The following UBTD1 variants were observed in gnomAD, a reference collection of about 807,000 sequenced individuals.
The protein encoded by UBTD1 is ubiquitin domain-containing protein 1.
A neutral mutation model predicts 21.7 loss-of-function variants in UBTD1; 19 were observed. The observed-to-expected ratio is 0.87, with a 90% CI of 0.61 to 1.28. The LOEUF (loss-of-function observed/expected upper bound fraction) is 1.28. UBTD1 is among the 50% of genes most tolerant of loss of function. The pLI is 0.00. For synonymous variants in UBTD1, 116 were observed against 135.1 expected (o/e 0.86, Z 0.98); for missense variants, 282 against 315.1 (o/e 0.89, Z 0.80).
At chr10:97,536,517 G>C (rs563671079) in intron 1 of UBTD1, among the ~76,000 whole-genome samples, 15 of 152,312 alleles carry the variant, frequency 9.8e-5, no homozygotes, top group African/African-American at 3.6e-4. Context: ...CTGCAGACTT[G>C]TGTTCAGACA....
rs915896864 is a variant in UBTD1 at position 97,499,091 on chromosome 10, CGGG to C, written c.-111_-109del. 24 of 1,246,048 alleles carry C rather than the reference CGGG, an allele frequency of 1.9e-5. No homozygotes were observed. The highest frequency in any genetic ancestry group is 1.4e-4 in the Admixed American group (5 of 35,146). 77.2% of individuals were successfully genotyped at this position (1,246,048 alleles called of 1,614,324 possible). ...GCTGAGCGCGCCCCCGGGGGGAGAT[CGGG>C]GAGCGCCCGATGCCGGGCGGCCGGA... On this transcript the variant is annotated 5_prime_UTR_variant, in exon 1 of 3. Coordinates refer to ENST00000370664, the MANE Select transcript of UBTD1 (RefSeq NM_024954.5).
At chr10:97,508,518 G>C (rs183966266) in intron 1 of UBTD1, among the ~76,000 whole-genome samples, 2 of 152,310 alleles carry the variant, frequency 1.3e-5, no homozygotes, top group African/African-American at 4.8e-5. Flanking sequence ...CTGGAACTCA[G>C]CCTGAGGATG....
chr10:97,538,874 T>C (rs1564740653), intron 1 of UBTD1, among the ~76,000 whole-genome samples: 1 of 152,188 alleles, frequency 6.6e-6, no homozygotes, highest in Non-Finnish European at 1.5e-5. Context: ...GTCTTTGTGG[T>C]CCTCAGGAGC....
At chr10:97,517,605 G>A (rs1024598694) in intron 1 of UBTD1, among the ~76,000 whole-genome samples, 3 of 152,136 alleles carry the variant, frequency 2.0e-5, no homozygotes, top group South Asian at 2.1e-4. Context: ...GCAGTCACTC[G>A]TGGCATGGCA....
At chr10:97,545,433 T>TGTGG (rs1443341103) in intron 1 of UBTD1, among the ~76,000 whole-genome samples, 31 of 2,098 alleles carry the variant, frequency 0.015, no homozygotes, top group African/African-American at 0.022. Context: ...TGTGTGTGGG[T>TGTGG]GTGTGTGTGT....
intron 1 of UBTD1, among the ~76,000 whole-genome samples, chr10:97,499,880 G>T (rs2040339670): frequency 6.6e-6 from 1 of 152,196 alleles, no homozygotes; most frequent in Admixed American, 6.5e-5. Context: ...GGATTGTTGG[G>T]ATCCTTCCCA....
intron 1 of UBTD1, among the ~76,000 whole-genome samples, chr10:97,553,750 T>C (rs1021061370): frequency 1.3e-5 from 2 of 152,156 alleles, no homozygotes; most frequent in African/African-American, 4.8e-5. Flanking sequence ...TGGGCTCAGC[T>C]TACATTAACC....
At chr10:97,538,017 G>T (rs996584011) in intron 1 of UBTD1, among the ~76,000 whole-genome samples, 5 of 151,718 alleles carry the variant, frequency 3.3e-5, no homozygotes, top group African/African-American at 1.2e-4. Context: ...GTAGAGATGG[G>T]CTTTCACCAT....
chr10:97,520,602 C>A (rs1477492834), intron 1 of UBTD1, among the ~76,000 whole-genome samples: 2 of 152,094 alleles, frequency 1.3e-5, no homozygotes, highest in Non-Finnish European at 2.9e-5. Context: ...AGGAAGCCTT[C>A]CCTGAAAAAG....
chr10:97,557,354 T>G (rs575747827), intron 1 of UBTD1, among the ~76,000 whole-genome samples: 1 of 152,312 alleles, frequency 6.6e-6, no homozygotes, highest in African/African-American at 2.4e-5. Flanking sequence ...GCATGTTTTT[T>G]TTTTAATTCC....
At chr10:97,546,589 G>GA (rs397741674) in intron 1 of UBTD1, among the ~76,000 whole-genome samples, 45,165 of 118,108 alleles carry the variant, frequency 0.38, 10,268 homozygotes, top group African/African-American at 0.6. Context: ...CCCTGTCTCA[G>GA]AAAAAAAAAA....
intron 1 of UBTD1, among the ~76,000 whole-genome samples, chr10:97,505,149 T>C (rs2040393223): frequency 6.6e-6 from 1 of 152,178 alleles, no homozygotes; most frequent in African/African-American, 2.4e-5. Flanking sequence ...ATTCCAGGCA[T>C]CTCTTACCCA....
intron 1 of UBTD1, among the ~76,000 whole-genome samples, chr10:97,527,197 C>A (rs1260848953): frequency 1.4e-5 from 2 of 141,296 alleles, no homozygotes; most frequent in Non-Finnish European, 3.0e-5. Context: ...AAAAAAAAGC[C>A]TGCCTTGGCA....
At chr10:97,561,166 C>T (rs1231916736) in intron 1 of UBTD1, among the ~76,000 whole-genome samples, 1 of 152,086 alleles carries the variant, frequency 6.6e-6, no homozygotes, top group Non-Finnish European at 1.5e-5. Context: ...TGAGGCGTTC[C>T]ACCGGGTCAA....
chr10:97,550,740 C>G (rs1271007368), intron 1 of UBTD1, among the ~76,000 whole-genome samples: 2 of 152,180 alleles, frequency 1.3e-5, no homozygotes, highest in South Asian at 2.1e-4. Context: ...AGTAAACACA[C>G]ACACACGCAT....
At chr10:97,529,093 C>T (rs1456099661) in intron 1 of UBTD1, among the ~76,000 whole-genome samples, 6 of 151,272 alleles carry the variant, frequency 4.0e-5, no homozygotes, top group Admixed American at 2.6e-4. Flanking sequence ...GACAGGGTCG[C>T]GGCCGGCCGA....
At chr10:97,536,868 A>ACATTCATT (rs1455130526) in intron 1 of UBTD1, among the ~76,000 whole-genome samples, 1 of 152,014 alleles carries the variant, frequency 6.6e-6, no homozygotes. Flanking sequence ...ATTCGGTCAT[A>ACATTCATT]CATTCATTCA....
intron 1 of UBTD1, among the ~76,000 whole-genome samples, chr10:97,512,284 G>T (rs1202212619): frequency 6.6e-6 from 1 of 152,108 alleles, no homozygotes; most frequent in African/African-American, 2.4e-5. Context: ...GGCAGTTCCC[G>T]GGGGGACAGC....
Position 97,570,352 on chromosome 10 carries a change from G to A in UBTD1, c.513G>A (p.Val171=). 5 of 1,613,320 alleles carry A rather than the reference G, an allele frequency of 3.1e-6. No homozygotes were observed. The highest frequency in any genetic ancestry group is 4.2e-6 in the Non-Finnish European group (5 of 1,179,958). ...TCAGCGCCAGCCTGCCCGACACAGT[G>A]GGGCAGCTCAAGAGGCAGCTGCACG... ...VRLSASLPDT[V]GQLKRQLHAQ... Residue 171 remains valine, a synonymous_variant, in exon 3 of 3, where the codon GTG becomes GTA. Transcript: ENST00000370664. This position sits in a 1 kb window ranked among gnomAD's most constrained non-coding sequence, Gnocchi z 6.6.
Sources: gnomAD v4.1 joint callset for allele counts (sites outside exome capture counted in the v4.1 genomes callset) on GRCh38, gnomAD v4.1.1 for gene constraint, Gnocchi (gnomAD v3.1) non-coding constraint, MANE v1.5 for transcripts, NCBI Gene and HGNC (gene_info 2026-07-23, HGNC 2026-07-21) for gene names.